TMPPE: variants seen among roughly 807,000 people sequenced by gnomAD.
TMPPE encodes the protein transmembrane protein with metallophosphoesterase domain.
A neutral mutation model predicts 22.6 loss-of-function variants in TMPPE; 16 were observed. The ratio of observed to expected loss-of-function variants is 0.71; its 90% confidence interval spans 0.48 to 1.08. The LOEUF is 1.08. Among genes scored for constraint, TMPPE ranks in the 50% least tolerant of loss-of-function variants. TMPPE has a pLI of 0.00. For synonymous variants in TMPPE, 240 were observed against 245.3 expected (o/e 0.98, Z 0.20); for missense variants, 526 against 584.3 (o/e 0.90, Z 1.03).
rs1700817956 is a variant in TMPPE at position 33,092,740 on chromosome 3, G to A, written c.*94C>T. 1 of 1,504,534 alleles carries A rather than the reference G, an allele frequency of 6.6e-7. No homozygotes were observed. The highest frequency in any genetic ancestry group is 8.9e-7 in the Non-Finnish European group (1 of 1,129,830). 93.2% of individuals were successfully genotyped at this position (1,504,534 alleles called of 1,614,324 possible). ...AGGGTGTGTAGGCAAGGATGAGTGG[G>A]CAAGGCTGGAGGGGAAAAGCAGGCA... is the stretch of plus-strand genomic sequence containing the variant. On this transcript the variant is annotated 3_prime_UTR_variant, in exon 2 of 2. Coordinates refer to ENST00000342462, the MANE Select transcript of TMPPE (RefSeq NM_001039770.3).
In TMPPE at chr3:33,097,009, ACGCGCAAGCCGC is replaced by A. The variant is rs1382394474; in HGVS notation, c.-411_-400del. 3 of 1,611,478 alleles carry A rather than the reference ACGCGCAAGCCGC, an allele frequency of 1.9e-6. No individual in the cohort carries two copies. The highest frequency in any genetic ancestry group is 2.2e-5 in the South Asian group (2 of 90,770). On this transcript the variant is annotated 5_prime_UTR_variant, in exon 1 of 2. Transcript: ENST00000342462. ...CCCCGTACCCGGGTCCCGCAGACTT[ACGCGCAAGCCGC>A]GCGTAGGGCCCAGAAGCAGCAGAAC...
Position 33,097,041 on chromosome 3 carries a change from C to T in TMPPE, c.-431G>A, listed in dbSNP as rs1701063265. 6.2e-7 allele frequency: 1 copy of T among 1,612,424 alleles called. No individual in the cohort carries two copies. The highest frequency in any genetic ancestry group is 8.5e-7 in the Non-Finnish European group (1 of 1,179,042). The stretch of plus-strand genomic sequence containing the variant: ...AGCCGCGCGTAGGGCCCAGAAGCAG[C>T]AGAACCAGCAACAGAGGGAGGATGC... On this transcript the variant is annotated 5_prime_UTR_variant, in exon 1 of 2. Transcript: ENST00000342462.
Position 33,096,739 on chromosome 3 carries a change from C to A in TMPPE, c.-129G>T. ...CGCACCTCGTCTCAACACCTCGTTA[C>A]AGATGGGGAAGTGGATCCAAGCGCA... On this transcript the variant is annotated 5_prime_UTR_variant, in exon 1 of 2. Coordinates refer to ENST00000342462, the MANE Select transcript of TMPPE (RefSeq NM_001039770.3). 1 of 1,296,314 alleles carries A rather than the reference C, an allele frequency of 7.7e-7. No homozygotes were observed. The highest frequency in any genetic ancestry group is 9.8e-7 in the Non-Finnish European group (1 of 1,024,514). 80.3% of individuals were successfully genotyped at this position (1,296,314 alleles called of 1,614,324 possible). A position where few individuals can be genotyped will look rare whatever the true frequency, so the allele number is the denominator to read the frequency against.
At position 33,091,116 on chromosome 3, in the gene TMPPE, G is replaced by A; in HGVS notation, c.*1718C>T. ...TGAAATCCAAAGCGAGAACTTAAAGGGAGTAAGGATGATTCACAAAATGCG... is the reference window on the plus strand; with the variant it reads ...TGAAATCCAAAGCGAGAACTTAAAGAGAGTAAGGATGATTCACAAAATGCG... On this transcript the variant is annotated 3_prime_UTR_variant, in exon 2 of 2. Coordinates refer to ENST00000342462, the MANE Select transcript of TMPPE (RefSeq NM_001039770.3). The A allele has an allele frequency of 1.0e-6, 1 of 985,366 alleles. No individual in the cohort carries two copies. The highest frequency in any genetic ancestry group is 1.2e-6 in the Non-Finnish European group (1 of 829,922). 61.0% of individuals were successfully genotyped at this position (985,366 alleles called of 1,614,324 possible).
Position 33,091,315 on chromosome 3 carries a change from C to A in TMPPE, c.*1519G>T, listed in dbSNP as rs1700750402. The A allele has an allele frequency of 1.0e-6, 1 of 985,624 alleles. No individual in the cohort carries two copies. The highest frequency in any genetic ancestry group is 1.2e-6 in the Non-Finnish European group (1 of 830,084). The allele number at this position is 985,624 out of a possible 1,614,324, so 61.1% of individuals were successfully genotyped here. On this transcript the variant is annotated 3_prime_UTR_variant, in exon 2 of 2. Coordinates refer to ENST00000342462, the MANE Select transcript of TMPPE (RefSeq NM_001039770.3). ...GGTCTCCAGATCCCCCAGAACCCCA[C>A]TATACACCAGGAGGACAAGGAGGAA... is the stretch of plus-strand genomic sequence containing the variant.
Position 33,092,885 on chromosome 3 carries a change from C to A in TMPPE, c.1311G>T (p.Arg437Ser). 1.2e-6 allele frequency: 2 copies of A among 1,613,672 alleles called. No homozygotes were observed. Among genetic ancestry groups the A allele is most frequent in the Non-Finnish European group, 1.7e-6 (2 of 1,179,716 alleles). The change falls in exon 2 of 2, where the codon AGG becomes AGT. Residue 437 changes from arginine (R) to serine (S), a missense_variant. Transcript: ENST00000342462. The part of the protein sequence containing the change: ...PGTAYYGIPM[R>S]LGSRAEITEL... ...CTGTGATCTCGGCCCTGCTACCCAG[C>A]CTCATGGGTATCCCGTAGTAGGCTG...
Position 33,090,654 on chromosome 3 carries a change from G to C in TMPPE, c.*2180C>G. 2 of 985,430 alleles carry C rather than the reference G, an allele frequency of 2.0e-6. No homozygotes were observed. Among genetic ancestry groups the C allele is most frequent in the Non-Finnish European group, 2.4e-6 (2 of 829,916 alleles). 61.0% of individuals were successfully genotyped at this position (985,430 alleles called of 1,614,324 possible). ...CCATGGTTTAAGAATGTTGAACAAAGGGACTAAAGGTGTCATGGAGACCTG... is the reference window on the plus strand; with the variant it reads ...CCATGGTTTAAGAATGTTGAACAAACGGACTAAAGGTGTCATGGAGACCTG... On this transcript the variant is annotated 3_prime_UTR_variant, in exon 2 of 2. Transcript: ENST00000342462.
At chr3:33,095,230 AAAAAAG>A (rs1700969150) in intron 1 of TMPPE, among the ~76,000 whole-genome samples, 1 of 150,886 alleles carries the variant, frequency 6.6e-6, no homozygotes, top group African/African-American at 2.4e-5. Context: ...AAAAAAAAAA[AAAAAAG>A]GAATATTCTC....
rs1700778722 is a variant in TMPPE at position 33,091,887 on chromosome 3, A to G, written c.*947T>C. 5.1e-6 allele frequency: 5 copies of G among 985,302 alleles called. No homozygotes were observed. The highest frequency in any genetic ancestry group is 6.0e-6 in the Non-Finnish European group (5 of 829,944). The allele number at this position is 985,302 out of a possible 1,614,324, so 61.0% of individuals were successfully genotyped here. Reference sequence around the variant, plus strand: ...CTTATCTCCATCTCAGGATCAAAGGATCTATTGCTTCTGGCAAAAGGGCAA... The same window carrying G: ...CTTATCTCCATCTCAGGATCAAAGGGTCTATTGCTTCTGGCAAAAGGGCAA... On this transcript the variant is annotated 3_prime_UTR_variant, in exon 2 of 2. Transcript: ENST00000342462.
chr3:33,093,819 A>C lies in TMPPE; in HGVS notation c.377T>G (p.Ile126Ser). The C allele has an allele frequency of 6.2e-7, 1 of 1,613,592 alleles. No homozygotes were observed. The highest frequency in any genetic ancestry group is 8.5e-7 in the Non-Finnish European group (1 of 1,179,752). The change falls in exon 2 of 2, where the codon ATC becomes AGC. Residue 126 changes from isoleucine to serine, a missense_variant. Coordinates refer to ENST00000342462, the MANE Select transcript of TMPPE (RefSeq NM_001039770.3). This position sits in a 1 kb window ranked among gnomAD's most constrained non-coding sequence, Gnocchi z 6.0. ...GATGAAGAGGAAGAAGAGCATGATGATGTAAGCACCCAGGCAGGAGTAGGC... is the reference window on the plus strand; with the variant it reads ...GATGAAGAGGAAGAAGAGCATGATGCTGTAAGCACCCAGGCAGGAGTAGGC... ...LAAYSCLGAY[I>S]IMLFFLFILS...
rs183853728 is a variant in TMPPE at position 33,091,097 on chromosome 3, C to A, written c.*1737G>T. ...CACCATCTAGCCCACCTGGTGAAATCCAAAGCGAGAACTTAAAGGGAGTAA... is the reference window on the plus strand; with the variant it reads ...CACCATCTAGCCCACCTGGTGAAATACAAAGCGAGAACTTAAAGGGAGTAA... On this transcript the variant is annotated 3_prime_UTR_variant, in exon 2 of 2. Coordinates refer to ENST00000342462, the MANE Select transcript of TMPPE (RefSeq NM_001039770.3). 1.7e-5 allele frequency: 17 copies of A among 985,320 alleles called. No individual in the cohort carries two copies. In the East Asian group the frequency reaches 1.9e-3, roughly 112 times the overall value. 61.0% of individuals were successfully genotyped at this position (985,320 alleles called of 1,614,324 possible).
chr3:33,092,924 A>G lies in TMPPE; in HGVS notation c.1272T>C (p.Tyr424=), dbSNP rs765672640. The G allele has an allele frequency of 1.9e-6, 3 of 1,614,220 alleles. No homozygotes were observed. The East Asian group carries it at 6.7e-5, about 36-fold the overall frequency. Residue 424 remains tyrosine, a synonymous_variant, in exon 2 of 2, where the codon TAT becomes TAC. Transcript: ENST00000342462. ...LYQVAQATFV[Y]VSPGTAYYGI... is the part of the protein sequence containing the mutation. ...CGTAGTAGGCTGTGCCTGGGCTGAC[A>G]TACACGAATGTAGCCTGGGCCACCT...
chr3:33,092,989 C>A lies in TMPPE; in HGVS notation c.1207G>T (p.Ala403Ser). 6.2e-7 allele frequency: 1 copy of A among 1,614,210 alleles called. No individual in the cohort carries two copies. The highest frequency in any genetic ancestry group is 8.5e-7 in the Non-Finnish European group (1 of 1,180,038). The stretch of plus-strand genomic sequence containing the variant: ...AAGAAGGGATTCAGGAGATAGGCTG[C>A]TACGTTCAAGGGGAAGATCTGCCCA... Reference protein sequence around the residue: ...HAGQIFPLNVAAYLLNPFFAG... With the variant: ...HAGQIFPLNVSAYLLNPFFAG... The change falls in exon 2 of 2, where the codon GCA (alanine) becomes TCA (serine). Residue 403 changes from alanine to serine, a missense_variant. Physicochemically the swap from Ala to Ser is moderately conservative, Grantham distance 99. Transcript: ENST00000342462.
Position 33,092,809 on chromosome 3 carries a change from C to T in TMPPE, c.*25G>A, listed in dbSNP as rs756708185. The T allele has an allele frequency of 3.8e-6, 6 of 1,566,576 alleles. No individual in the cohort carries two copies. The highest frequency in any genetic ancestry group is 5.2e-6 in the Non-Finnish European group (6 of 1,154,236). ...TGGAGGGTCGAGGACAAGGGCAGGG[C>T]AGAGGTGCACAGGGCAGGGCCAGTT... On this transcript the variant is annotated 3_prime_UTR_variant, in exon 2 of 2. Coordinates refer to ENST00000342462, the MANE Select transcript of TMPPE (RefSeq NM_001039770.3).
At position 33,093,455 on chromosome 3, in the gene TMPPE, G is replaced by C. The variant is rs1409270772; in HGVS notation, c.741C>G (p.Leu247=). The part of the protein sequence containing the change: ...EPDITVIVGD[L]SDSEASVLRT... Reference sequence around the variant, plus strand: ...GCAGGACCGAGGCTTCTGAGTCGGAGAGGTCACCCACAATCACCGTGATGT... The same window carrying C: ...GCAGGACCGAGGCTTCTGAGTCGGACAGGTCACCCACAATCACCGTGATGT... Residue 247 remains leucine (L), a synonymous_variant, in exon 2 of 2, where the codon CTC becomes CTG. Coordinates refer to ENST00000342462, the MANE Select transcript of TMPPE (RefSeq NM_001039770.3). The surrounding 1 kb of genome is among the most constrained non-coding windows in gnomAD (Gnocchi z 6.0). The C allele has an allele frequency of 3.7e-6, 6 of 1,614,132 alleles. No individual in the cohort carries two copies. In the Admixed American group the frequency reaches 6.7e-5, roughly 18 times the overall value.
rs941431666 is a variant in TMPPE, at chr3:33,092,189, G to A, written c.*645C>T. ...TGACCTTGCCCCCAAAGGCCCAGGA[G>A]CACAGACAGTTAAATAGCATCCCTC... On this transcript the variant is annotated 3_prime_UTR_variant, in exon 2 of 2. Transcript: ENST00000342462. 88 of 985,728 alleles carry A rather than the reference G, an allele frequency of 8.9e-5. 1 individual carries two copies. The highest frequency in any genetic ancestry group is 9.4e-5 in the South Asian group (2 of 21,298). 61.1% of individuals were successfully genotyped at this position (985,728 alleles called of 1,614,324 possible). A position where few individuals can be genotyped will look rare whatever the true frequency, so the allele number is the denominator to read the frequency against.
chr3:33,096,595 A>G, intron 1 of TMPPE, 124 bp downstream of exon 1: 1 of 1,039,360 alleles, frequency 9.6e-7, no homozygotes, highest in Non-Finnish European at 1.2e-6. Flanking sequence ...CTCCTTCCGG[A>G]GCGCTCCGCA....
Position 33,091,991 on chromosome 3 carries a change from C to T in TMPPE, c.*843G>A. ...TACATATCTTGTCATACTGCCTGTG[C>T]CCTATCTCTCTTTGCCTTGGTTTCC... is the stretch of plus-strand genomic sequence containing the variant. On this transcript the variant is annotated 3_prime_UTR_variant, in exon 2 of 2. Transcript: ENST00000342462. 2.0e-6 allele frequency: 2 copies of T among 983,728 alleles called. No homozygotes were observed. Among genetic ancestry groups the T allele is most frequent in the Non-Finnish European group, 1.2e-6 (1 of 828,372 alleles). The allele number at this position is 983,728 out of a possible 1,614,324, so 60.9% of individuals were successfully genotyped here. A position where few individuals can be genotyped will look rare whatever the true frequency, so the allele number is the denominator to read the frequency against.
chr3:33,093,406 G>A lies in TMPPE; in HGVS notation c.790C>T (p.Gln264Ter), dbSNP rs1458230630. 1 of 1,614,038 alleles carries A rather than the reference G, an allele frequency of 6.2e-7. No individual in the cohort carries two copies. Among genetic ancestry groups the A allele is most frequent in the African/African-American group, 1.3e-5 (1 of 74,902 alleles). The stretch of plus-strand genomic sequence containing the variant: ...TAGGCACCGAGATGTGAATGAAGCT[G>A]GCCCAGAGGAGCGACAGCCGTCCGC... Reference protein sequence around the residue: ...VLRTAVAPLGQLHSHLGAYFV... With the variant: ...VLRTAVAPLG Residue 264 changes from glutamine (Q) to a stop codon, truncating the protein, a stop_gained, in exon 2 of 2, where the codon CAG becomes TAG. Transcript: ENST00000342462. LOFTEE classifies it high-confidence loss of function. This position sits in a 1 kb window ranked among gnomAD's most constrained non-coding sequence, Gnocchi z 6.0.
Sources: allele counts gnomAD v4.1 joint callset (sites outside exome capture counted in the v4.1 genomes callset), GRCh38; gene constraint gnomAD v4.1.1; non-coding constraint Gnocchi (gnomAD v3.1); transcripts MANE v1.5; gene names NCBI Gene and HGNC (gene_info 2026-07-23, HGNC 2026-07-21).